Variants in DMXL2 observed in about 807,000 individuals in gnomAD.
The protein encoded by DMXL2 is dmX-like protein 2.
A neutral mutation model predicts 331.1 loss-of-function variants in DMXL2; 103 were observed. That is an observed-to-expected ratio of 0.31 (90% confidence interval 0.27 to 0.37). DMXL2 has a LOEUF of 0.37. Ranked by LOEUF, DMXL2 falls within the 10% of genes least tolerant of loss-of-function variation. The pLI, the probability that DMXL2 is intolerant of heterozygous loss-of-function variation, is 1.00. For missense variants in DMXL2, 3,171 were observed against 3,642.9 expected (o/e 0.87, Z 3.33); for synonymous variants, 1,281 against 1,252.1 (o/e 1.02, Z -0.49).
chr15:51,604,556 CAT>C (rs1340812418), intron 1 of DMXL2, among the ~76,000 whole-genome samples: 1 of 152,124 alleles, frequency 6.6e-6, no homozygotes, highest in African/African-American at 2.4e-5. Context: ...TCTAACAAAA[CAT>C]GTATCAGATC....
intron 41 of DMXL2, among the ~76,000 whole-genome samples, chr15:51,453,018 G>T (rs1052294302): frequency 6.6e-6 from 1 of 151,694 alleles, no homozygotes; most frequent in African/African-American, 2.4e-5. Flanking sequence ...GTTCTCACTT[G>T]TAAGTGGGAG....
rs145674583 is a variant in DMXL2, at chr15:51,458,346, A to G, written c.8198+160T>C. Among the ~76,000 whole-genome samples, 1,480 of 152,344 alleles carry G rather than the reference A, an allele frequency of 9.7e-3. 20 individuals carry two copies. The highest frequency in any genetic ancestry group is 0.034 in the African/African-American group (1,421 of 41,574). On this transcript the variant is annotated intron_variant, in intron 36 of 43. Transcript: ENST00000560891. ...GAAGTGTAATTCATTCAGTTAATGTAGACAAAGACTTTCACTGGCAGCTAA... is the reference window on the plus strand; with the variant it reads ...GAAGTGTAATTCATTCAGTTAATGTGGACAAAGACTTTCACTGGCAGCTAA...
chr15:51,593,506 C>A (rs1459427944), intron 1 of DMXL2, among the ~76,000 whole-genome samples: 1 of 152,136 alleles, frequency 6.6e-6, no homozygotes, highest in African/African-American at 2.4e-5. Context: ...GACAGATCAA[C>A]GAGACAGAAG....
intron 1 of DMXL2, chr15:51,603,717 A>T (rs558001395): frequency 3.9e-5 from 6 of 152,128 alleles, no homozygotes; most frequent in Admixed American, 2.6e-4. Flanking sequence ...AACAAAAAAA[A>T]ATTAGCCGGG....
At chr15:51,511,218 C>A (rs1386210521) in intron 15 of DMXL2, among the ~76,000 whole-genome samples, 1 of 152,176 alleles carries the variant, frequency 6.6e-6, no homozygotes, top group Non-Finnish European at 1.5e-5. Context: ...TAAAGAGCTT[C>A]TGCACAGCAA....
Position 51,450,328 on chromosome 15 carries a change from T to G in DMXL2, c.8768A>C (p.His2923Pro), listed in dbSNP as rs753811265. 3.3e-5 allele frequency: 53 copies of G among 1,613,772 alleles called. No individual in the cohort carries two copies. Among genetic ancestry groups the G allele is most frequent in the Non-Finnish European group, 4.2e-5 (50 of 1,179,948 alleles). The stretch of plus-strand genomic sequence containing the variant: ...TGCATACTGCAGTACCGTGGCACCA[T>G]GATCGTGGCACGTGAAACCTGAAGA... ...SLIHGFTCHD[H>P]GATVLQYAPK... The change falls in exon 43 of 44, where the codon CAT becomes CCT. Residue 2923 changes from histidine to proline, a missense_variant. Physicochemically the swap from His to Pro is moderately conservative, Grantham distance 77 (BLOSUM62 -2). Around this residue, in one of 7 missense-constraint regions of DMXL2, gnomAD observed 766 missense variants for 940.5 expected, o/e 0.81. Coordinates refer to ENST00000560891, the MANE Select transcript of DMXL2 (RefSeq NM_001378457.1).
At chr15:51,462,521 G>C (rs1050412568) in intron 33 of DMXL2, among the ~76,000 whole-genome samples, 9 of 152,042 alleles carry the variant, frequency 5.9e-5, no homozygotes, top group Non-Finnish European at 2.9e-5. Context: ...ATTTTTAGTA[G>C]AGATGGGGTT....
intron 20 of DMXL2, among the ~76,000 whole-genome samples, chr15:51,491,014 A>T (rs2042756741): frequency 6.6e-6 from 1 of 152,220 alleles, no homozygotes; most frequent in Non-Finnish European, 1.5e-5. Context: ...ACCAGGGCAT[A>T]CCTCAACTAA....
chr15:51,531,183 C>A (rs753031183), intron 13 of DMXL2, among the ~76,000 whole-genome samples: 5 of 152,096 alleles, frequency 3.3e-5, no homozygotes, highest in Non-Finnish European at 5.9e-5. Context: ...TAAAAACACA[C>A]ACAGAGAACA....
chr15:51,456,852 G>C (rs1184038511), intron 37 of DMXL2, among the ~76,000 whole-genome samples: 1 of 152,160 alleles, frequency 6.6e-6, no homozygotes, highest in Admixed American at 6.5e-5. Context: ...GGATTGTTGT[G>C]AGAAAAAGCA....
chr15:51,519,149 T>G (rs1183787060), intron 13 of DMXL2, among the ~76,000 whole-genome samples: 1 of 152,196 alleles, frequency 6.6e-6, no homozygotes, highest in Non-Finnish European at 1.5e-5. Flanking sequence ...ATATTTTTTT[T>G]TAATGGTTAA....
Position 51,491,561 on chromosome 15 carries a change from C to T in DMXL2, c.4953+17G>A. 6.3e-7 allele frequency: 1 copy of T among 1,577,012 alleles called. No homozygotes were observed. The highest frequency in any genetic ancestry group is 1.4e-5 in the African/African-American group (1 of 72,082). On this transcript the variant is annotated intron_variant, in intron 20 of 43. Transcript: ENST00000560891. ...GGTTTTTTTAATATAACTCAAAATC[C>T]ACTAAAGAAAAGTTACCTTTTCAAT...
At chr15:51,598,284 C>G (rs1244357809) in intron 1 of DMXL2, among the ~76,000 whole-genome samples, 1 of 152,160 alleles carries the variant, frequency 6.6e-6, no homozygotes, top group African/African-American at 2.4e-5. Context: ...TATTTTACAT[C>G]TGCTTTACCC....
At chr15:51,601,664 A>G (rs542572431) in intron 1 of DMXL2, among the ~76,000 whole-genome samples, 2 of 152,292 alleles carry the variant, frequency 1.3e-5, no homozygotes, top group South Asian at 2.1e-4. Context: ...TACAACTTTT[A>G]TAAGTCTTGA....
At chr15:51,555,484 C>A (rs916974557) in intron 6 of DMXL2, among the ~76,000 whole-genome samples, 2 of 152,054 alleles carry the variant, frequency 1.3e-5, no homozygotes, top group African/African-American at 2.4e-5. Context: ...ACTAGAAGAG[C>A]CCTGGGCACT....
At chr15:51,459,552 C>T (rs1003315300) in intron 34 of DMXL2, 46 bp downstream of exon 34, 83 of 1,283,680 alleles carry the variant, frequency 6.5e-5, no homozygotes, top group Non-Finnish European at 8.0e-5. Flanking sequence ...GCGTTAGCTC[C>T]TTGAACTTTA....
chr15:51,493,552 T>C (rs1323630082), intron 19 of DMXL2, among the ~76,000 whole-genome samples: 2 of 152,212 alleles, frequency 1.3e-5, no homozygotes, highest in African/African-American at 2.4e-5. Flanking sequence ...CTGCTCTTGC[T>C]CTTCTCAGCT....
chr15:51,614,360 A>C (rs2054159251), intron 1 of DMXL2, among the ~76,000 whole-genome samples: 1 of 152,176 alleles, frequency 6.6e-6, no homozygotes, highest in Admixed American at 6.5e-5. Context: ...TAAACTCCTA[A>C]AGTACAGAAT....
At chr15:51,579,876 T>A (rs1351457784) in intron 1 of DMXL2, among the ~76,000 whole-genome samples, 1 of 152,172 alleles carries the variant, frequency 6.6e-6, no homozygotes, top group Non-Finnish European at 1.5e-5. Flanking sequence ...TTTGCTAGGG[T>A]CTTTACAAAA....
Sources: allele counts gnomAD v4.1 joint callset (sites outside exome capture counted in the v4.1 genomes callset), GRCh38; gene constraint gnomAD v4.1.1; regional missense constraint gnomAD v4.1.1; transcripts MANE v1.5; gene names NCBI Gene and HGNC (gene_info 2026-07-23, HGNC 2026-07-21).